Variants in USP30 observed in about 807,000 individuals in gnomAD.
The protein encoded by USP30 is ubiquitin carboxyl-terminal hydrolase 30.
In USP30, 41 loss-of-function variants were observed where a neutral mutation model predicts 68.2. That is an observed-to-expected ratio of 0.60 (90% CI 0.47 to 0.78). The LOEUF is 0.78. USP30 is among the 30% of genes least tolerant of loss of function. The pLI is 0.00. For missense variants in USP30, 522 were observed against 649.4 expected, an observed-to-expected ratio of 0.80 and a Z score of 2.13; for synonymous variants, 229 against 253.7, an observed-to-expected ratio of 0.90 and a Z score of 0.93.
intron 3 of USP30, among the ~76,000 whole-genome samples, chr12:109,035,847 G>C (rs2040515109): frequency 6.6e-6 from 1 of 152,068 alleles, no homozygotes; most frequent in Non-Finnish European, 1.5e-5. Context: ...TTTAAAATCA[G>C]ATACACAAAA....
chr12:109,028,966 T>C (rs1310091795), intron 3 of USP30, among the ~76,000 whole-genome samples: 1 of 152,238 alleles, frequency 6.6e-6, no homozygotes, highest in Non-Finnish European at 1.5e-5. Flanking sequence ...TCAAATGTCC[T>C]TGAGATTTGA....
chr12:109,042,737 GAAGTTCTAGCCACAGC>G (rs1406484420), intron 3 of USP30, among the ~76,000 whole-genome samples: 2 of 152,112 alleles, frequency 1.3e-5, no homozygotes, highest in Non-Finnish European at 2.9e-5. Flanking sequence ...CGTAGTACTG[GAAGTTCTAGCCACAGC>G]AATTAGGCAA....
At chr12:109,023,324 G>A (rs1264060897) in intron 1 of USP30, among the ~76,000 whole-genome samples, 1 of 152,092 alleles carries the variant, frequency 6.6e-6, no homozygotes, top group East Asian at 1.9e-4. Flanking sequence ...AGGCCGAGGC[G>A]GATGGATCAC....
intron 3 of USP30, among the ~76,000 whole-genome samples, chr12:109,063,946 C>T (rs2041162191): frequency 1.4e-5 from 2 of 147,142 alleles, no homozygotes; most frequent in Non-Finnish European, 3.0e-5. Context: ...CATCTCAGCT[C>T]ACTGCGACCT....
chr12:109,081,047 T>C (rs141238648), intron 7 of USP30, among the ~76,000 whole-genome samples: 1 of 152,378 alleles, frequency 6.6e-6, no homozygotes, highest in Non-Finnish European at 1.5e-5. Flanking sequence ...ATGAATATTC[T>C]TGTAGTTATG....
At chr12:109,085,619 T>C in intron 12 of USP30, 48 bp from the exon 13 acceptor site, 1 of 1,598,068 alleles carries the variant, frequency 6.3e-7, no homozygotes, top group Non-Finnish European at 8.5e-7. Flanking sequence ...GCCTATAAAG[T>C]CTTTTTGTTA....
chr12:109,041,692 A>G (rs927155096), intron 3 of USP30, among the ~76,000 whole-genome samples: 12 of 152,174 alleles, frequency 7.9e-5, no homozygotes, highest in African/African-American at 2.9e-4. Flanking sequence ...GAACTTATCA[A>G]TCATATAAAT....
Position 109,055,400 on chromosome 12 carries a change from A to ATTTTTTTTTTT in USP30, c.84-1272_84-1262dup, listed in dbSNP as rs869090869. Among the ~76,000 whole-genome samples, 50 of 24,462 alleles carry ATTTTTTTTTTT rather than the reference A, an allele frequency of 2.0e-3. 2 individuals carry two copies. Among genetic ancestry groups the ATTTTTTTTTTT allele is most frequent in the African/African-American group, 2.9e-3 (26 of 9,018 alleles). The allele number at this position is 24,462 out of a possible 152,430, so 16.0% of individuals were successfully genotyped here. A position where few individuals can be genotyped will look rare whatever the true frequency, so the allele number is the denominator to read the frequency against. On this transcript the variant is annotated intron_variant, in intron 1 of 12. Coordinates refer to ENST00000257548, the MANE Select transcript of USP30 (RefSeq NM_032663.5). ...TATACATATATATATATATATATAT[A>ATTTTTTTTTTT]TTTTTTTTTTTTTTTTTTTTGAGGC... is the stretch of plus-strand genomic sequence containing the variant.
Position 109,084,314 on chromosome 12 carries a change from A to G in USP30, c.1169-639A>G, listed in dbSNP as rs545971592. On this transcript the variant is annotated intron_variant, in intron 11 of 12. Coordinates refer to ENST00000257548, the MANE Select transcript of USP30 (RefSeq NM_032663.5). Reference sequence around the variant, plus strand: ...ACTTGAAAGGAAAAGACATGTAAATATGGCCTTAATTATGTTGTCTACCCA... The same window carrying G: ...ACTTGAAAGGAAAAGACATGTAAATGTGGCCTTAATTATGTTGTCTACCCA... 3.9e-4 allele frequency among the ~76,000 whole-genome samples: 59 copies of G among 152,358 alleles called. 1 individual carries two copies. In the South Asian group the frequency reaches 0.011, roughly 29 times the overall value.
At position 109,067,611 on chromosome 12, in the gene USP30, C is replaced by T; in HGVS notation, c.464C>T (p.Ser155Leu). ...TTAAGAATGTACAGATGGCAGATCT[C>T]ATCATTTGAAGAACAGGTGAGTACA... ...DVLRMYRWQI[S>L]SFEEQDAHEL... The change falls in exon 4 of 13, where the codon TCA (serine) becomes TTA (leucine). Residue 155 changes from serine (S) to leucine (L), a missense_variant. Physicochemically the swap from Ser to Leu is moderately radical, Grantham distance 145 (BLOSUM62 -2). Transcript: ENST00000257548. The T allele has an allele frequency of 6.2e-7, 1 of 1,613,976 alleles. No homozygotes were observed. The highest frequency in any genetic ancestry group is 8.5e-7 in the Non-Finnish European group (1 of 1,179,888).
At chr12:109,084,739 A>G (rs905565130) in intron 11 of USP30, among the ~76,000 whole-genome samples, 7 of 152,254 alleles carry the variant, frequency 4.6e-5, no homozygotes, top group African/African-American at 1.7e-4. Context: ...AGCTGGAGCT[A>G]GATACACTTT....
At chr12:109,034,863 A>C (rs1566075833) in intron 3 of USP30, among the ~76,000 whole-genome samples, 2 of 151,674 alleles carry the variant, frequency 1.3e-5, no homozygotes, top group African/African-American at 4.8e-5. Flanking sequence ...CTCTTTTATC[A>C]TTATAAAGAT....
At chr12:109,037,771 C>T (rs1360169027) in intron 3 of USP30, among the ~76,000 whole-genome samples, 2 of 152,102 alleles carry the variant, frequency 1.3e-5, no homozygotes, top group African/African-American at 4.8e-5. Flanking sequence ...CAAGGAGTGC[C>T]GTGTGTGTTG....
chr12:109,084,828 A>G (rs867661326), intron 11 of USP30, 125 bp from the exon 12 acceptor site: 1 of 1,141,348 alleles, frequency 8.8e-7, no homozygotes. Flanking sequence ...TCTATATAAT[A>G]CCAAATGAAA....
At chr12:109,071,549 G>T (rs892585292) in intron 4 of USP30, 63 bp from the exon 5 acceptor site, 4 of 1,399,656 alleles carry the variant, frequency 2.9e-6, no homozygotes, top group Non-Finnish European at 3.0e-6. Flanking sequence ...GCCCGAGGTG[G>T]GTAGTTCTGA....
intron 3 of USP30, among the ~76,000 whole-genome samples, chr12:109,029,679 GA>G (rs974901198): frequency 1.3e-5 from 2 of 152,176 alleles, no homozygotes; most frequent in African/African-American, 4.8e-5. Context: ...ACTGTTAGAA[GA>G]GAAGTGATTT....
upstream of USP30, among the ~76,000 whole-genome samples, chr12:109,048,843 C>G (rs1040277365): frequency 8.5e-5 from 13 of 152,232 alleles, no homozygotes; most frequent in African/African-American, 2.6e-4. Context: ...TTGGCATGAC[C>G]TTAGATCCTG....
Position 109,072,428 on chromosome 12 carries a change from G to T in USP30, c.625+78G>T, listed in dbSNP as rs1020162364. 4.1e-6 allele frequency: 6 copies of T among 1,456,440 alleles called. No homozygotes were observed. In the East Asian group the frequency reaches 6.9e-5, roughly 17 times the overall value. The allele number at this position is 1,456,440 out of a possible 1,614,324, so 90.2% of individuals were successfully genotyped here. ...GATAATAATTTGCTTGTTTTAAAAA[G>T]ATTTTTTTCTGGTGACATACAGGCC... On this transcript the variant is annotated intron_variant, in intron 6 of 12. Coordinates refer to ENST00000257548, the MANE Select transcript of USP30 (RefSeq NM_032663.5).
intron 7 of USP30, among the ~76,000 whole-genome samples, chr12:109,077,932 G>A (rs2135803123): frequency 6.6e-6 from 1 of 152,110 alleles, no homozygotes; most frequent in South Asian, 2.1e-4. Context: ...TATTACAAAA[G>A]TATAGTTCTG....
Sources: gnomAD v4.1 joint callset for allele counts (sites outside exome capture counted in the v4.1 genomes callset) on GRCh38, gnomAD v4.1.1 for gene constraint, MANE v1.5 for transcripts, NCBI Gene and HGNC (gene_info 2026-07-23, HGNC 2026-07-21) for gene names.